The following PTPRD variants were observed in gnomAD, a reference collection of about 807,000 sequenced individuals.
PTPRD encodes the protein receptor-type tyrosine-protein phosphatase delta.
In PTPRD, 34 loss-of-function variants were observed where a neutral mutation model predicts 214.5. The observed-to-expected ratio is 0.16, with a 90% CI of 0.12 to 0.21. The LOEUF (loss-of-function observed/expected upper bound fraction) is 0.21. Ranked by LOEUF, PTPRD falls within the 10% of genes least tolerant of loss-of-function variation. The pLI, the probability that PTPRD is intolerant of heterozygous loss-of-function variation, is 1.00. For synonymous variants in PTPRD, 1,128 were observed against 845.7 expected (o/e 1.33, Z -5.79); for missense variants, 2,545 against 2,398.7 (o/e 1.06, Z -1.27).
At position 10,529,576 on chromosome 9, in the gene PTPRD, G is replaced by C. The variant is rs1292833111; in HGVS notation, c.-600+82822C>G. On this transcript the variant is annotated intron_variant, in intron 2 of 45. Transcript: ENST00000381196. ...ATACACGGGGCCTGTTGGGGGATGG[G>C]GGGCAAGGGGAAGGATAGCATTAGG... Among the ~76,000 whole-genome samples, 3 of 151,418 alleles carry C rather than the reference G, an allele frequency of 2.0e-5. No individual in the cohort carries two copies. The East Asian group carries it at 5.9e-4, about 30-fold the overall frequency.
chr9:10,346,708 C>G (rs2097090209), intron 2 of PTPRD, among the ~76,000 whole-genome samples: 1 of 152,124 alleles, frequency 6.6e-6, no homozygotes, highest in Non-Finnish European at 1.5e-5. Flanking sequence ...GTAAACTGAT[C>G]TGGTAATGAG....
chr9:10,161,292 C>G (rs1336483912), intron 3 of PTPRD, among the ~76,000 whole-genome samples: 1 of 151,762 alleles, frequency 6.6e-6, no homozygotes, highest in Non-Finnish European at 1.5e-5. Flanking sequence ...ATCACACTAC[C>G]TGACTTCAAA....
chr9:8,666,725 C>T (rs2154359609), intron 12 of PTPRD, among the ~76,000 whole-genome samples: 1 of 152,226 alleles, frequency 6.6e-6, no homozygotes, highest in Admixed American at 6.5e-5. Context: ...TTCTACATCC[C>T]AGTAGTTTCC....
At chr9:10,296,326 T>C (rs617900) in intron 3 of PTPRD, among the ~76,000 whole-genome samples, 43,333 of 151,758 alleles carry the variant, frequency 0.29, 7,514 homozygotes, top group African/African-American at 0.47. Context: ...GAAACTTATA[T>C]TCGTTTTATC....
chr9:9,831,615 C>T (rs1214973579), intron 5 of PTPRD, among the ~76,000 whole-genome samples: 1 of 151,990 alleles, frequency 6.6e-6, no homozygotes, highest in Non-Finnish European at 1.5e-5. Flanking sequence ...CACATGCTTG[C>T]TAACCAACTA....
intron 9 of PTPRD, among the ~76,000 whole-genome samples, chr9:9,384,276 T>C (rs1362614419): frequency 2.7e-5 from 4 of 149,918 alleles, no homozygotes; most frequent in African/African-American, 7.3e-5. Context: ...TTGTAAAATT[T>C]TGTGTGCAGT....
intron 2 of PTPRD, among the ~76,000 whole-genome samples, chr9:10,600,847 C>A (rs537016602): frequency 9.9e-5 from 15 of 151,732 alleles, no homozygotes; most frequent in African/African-American, 3.4e-4. Flanking sequence ...AAATCAGATT[C>A]AAAATTAGTG....
At chr9:10,131,042 A>AAGC (rs1246989530) in intron 3 of PTPRD, among the ~76,000 whole-genome samples, 1 of 152,204 alleles carries the variant, frequency 6.6e-6, no homozygotes, top group Admixed American at 6.6e-5. Context: ...TACTAGTGTC[A>AAGC]AGCAGCACAA....
Position 10,567,830 on chromosome 9 carries a change from G to C in PTPRD, c.-600+44568C>G, listed in dbSNP as rs116647332. Among the ~76,000 whole-genome samples the C allele has an allele frequency of 4.5e-3, 676 of 151,678 alleles. 5 individuals are homozygous for C. Among genetic ancestry groups the C allele is most frequent in the African/African-American group, 0.015 (642 of 41,452 alleles). ...ATAGTTTAGAATTCAGGTGTCACCA[G>C]TTAAACCATTGCATTAATTTTCATT... On this transcript the variant is annotated intron_variant, in intron 2 of 45. Transcript: ENST00000381196.
intron 6 of PTPRD, among the ~76,000 whole-genome samples, chr9:9,740,841 G>C (rs1332339335): frequency 2.0e-5 from 3 of 152,168 alleles, no homozygotes; most frequent in Admixed American, 6.5e-5. Flanking sequence ...TCCAAGGAAA[G>C]TCAACGAATG....
chr9:8,332,523 C>CATAG (rs988877946), intron 43 of PTPRD, among the ~76,000 whole-genome samples: 1 of 139,450 alleles, frequency 7.2e-6, no homozygotes, highest in Admixed American at 7.3e-5. Context: ...AGAGCTTTAA[C>CATAG]ATAGATAAAC....
At chr9:10,595,711 G>C (rs2076472572) in intron 2 of PTPRD, among the ~76,000 whole-genome samples, 1 of 151,500 alleles carries the variant, frequency 6.6e-6, no homozygotes, top group Admixed American at 6.6e-5. Context: ...TGCATTAGCT[G>C]TTTTCCAAAG....
chr9:9,998,062 T>C (rs943443755), intron 4 of PTPRD, among the ~76,000 whole-genome samples: 9 of 148,756 alleles, frequency 6.1e-5, no homozygotes, highest in African/African-American at 2.3e-4. Context: ...AGTTTCTTTC[T>C]TGGAACACAA....
intron 9 of PTPRD, among the ~76,000 whole-genome samples, chr9:9,345,452 T>C (rs553371608): frequency 6.6e-6 from 1 of 152,150 alleles, no homozygotes; most frequent in East Asian, 1.9e-4. Context: ...ACACTAGGAA[T>C]GGACCCTGGG....
At chr9:9,767,336 GTAA>G (rs1314173716) in intron 5 of PTPRD, among the ~76,000 whole-genome samples, 2 of 151,978 alleles carry the variant, frequency 1.3e-5, no homozygotes, top group African/African-American at 4.8e-5. Flanking sequence ...GACTTTTATA[GTAA>G]TAATGTTTCA....
intron 2 of PTPRD, among the ~76,000 whole-genome samples, chr9:10,492,514 T>C (rs1193525300): frequency 1.3e-5 from 2 of 152,188 alleles, no homozygotes. Context: ...ATGTCTTTTT[T>C]TGAGAAATGT....
chr9:10,483,365 G>T (rs189246765), intron 2 of PTPRD, among the ~76,000 whole-genome samples: 1 of 151,968 alleles, frequency 6.6e-6, no homozygotes, highest in South Asian at 2.1e-4. Context: ...TCTGGATACT[G>T]GCCTAGGCAA....
intron 3 of PTPRD, among the ~76,000 whole-genome samples, chr9:10,105,906 C>G (rs2098625610): frequency 1.3e-5 from 2 of 150,120 alleles, no homozygotes; most frequent in Non-Finnish European, 1.5e-5. Flanking sequence ...AACACAAAAT[C>G]ACCTCCACTC....
intron 2 of PTPRD, among the ~76,000 whole-genome samples, chr9:10,586,184 A>C (rs2073835242): frequency 1.4e-5 from 2 of 147,560 alleles, no homozygotes; most frequent in Admixed American, 1.3e-4. Flanking sequence ...ACGTCTCTCC[A>C]CAATCTGCAA....
Sources: allele counts gnomAD v4.1 joint callset (sites outside exome capture counted in the v4.1 genomes callset), GRCh38; gene constraint gnomAD v4.1.1; transcripts MANE v1.5; gene names NCBI Gene and HGNC (gene_info 2026-07-23, HGNC 2026-07-21).